The following CCNK variants were observed in gnomAD, a reference collection of about 807,000 sequenced individuals.
The protein encoded by CCNK is cyclin-K.
CCNK carries 9 observed loss-of-function variants against 65.0 expected under a neutral mutation model. The ratio of observed to expected loss-of-function variants is 0.14; its 90% CI spans 0.08 to 0.24. The LOEUF (loss-of-function observed/expected upper bound fraction) is 0.24. Among genes scored for constraint, CCNK ranks in the 10% least tolerant of loss-of-function variants. CCNK has a pLI of 1.00. For synonymous variants in CCNK, 279 were observed against 270.8 expected, an observed-to-expected ratio of 1.03 and a Z score of -0.30; for missense variants, 474 against 720.0, an observed-to-expected ratio of 0.66 and a Z score of 3.91.
In CCNK at chr14:99,503,430, G is replaced by A. The variant is rs186007132; in HGVS notation, c.1012-181G>A. On this transcript the variant is annotated intron_variant, in intron 8 of 10. Transcript: ENST00000389879. ...TTTGGTAAATGGAAAGAGGAAGGGAGCAGAAATGATGATCTGGTAGGTGCC... is the reference window on the plus strand; with the variant it reads ...TTTGGTAAATGGAAAGAGGAAGGGAACAGAAATGATGATCTGGTAGGTGCC... The A allele has an allele frequency of 1.4e-4, 88 of 611,218 alleles. No homozygotes were observed. In the African/African-American group the frequency reaches 1.4e-3, roughly 10 times the overall value. 37.9% of individuals were successfully genotyped at this position (611,218 alleles called of 1,614,324 possible).
intron 9 of CCNK, chr14:99,505,067 C>G (rs1248739334): frequency 1.3e-5 from 2 of 152,220 alleles, no homozygotes; most frequent in Non-Finnish European, 1.5e-5. Context: ...TGGGTTAGGA[C>G]CAGATCACAG....
chr14:99,510,398 C>T lies in CCNK; in HGVS notation c.1359C>T (p.Thr453=), dbSNP rs751959442. ...AGAGCCTGCAGTCCATGATGAAGACCGAGGGACCCTCCTACGGTGCCCTGC... is the reference window on the plus strand; with the variant it reads ...AGAGCCTGCAGTCCATGATGAAGACTGAGGGACCCTCCTACGGTGCCCTGC... ...GYQSLQSMMK[T]EGPSYGALPP... The change falls in exon 11 of 11, where the codon ACC becomes ACT. Residue 453 remains threonine, a synonymous_variant. Coordinates refer to ENST00000389879, the MANE Select transcript of CCNK (RefSeq NM_001099402.2). 1.5e-5 allele frequency: 23 copies of T among 1,564,192 alleles called. 1 individual carries two copies. The Middle Eastern group carries it at 2.2e-3, about 149-fold the overall frequency.
intron 10 of CCNK, chr14:99,509,459 G>T (rs1285487926): frequency 6.6e-6 from 1 of 151,538 alleles, no homozygotes; most frequent in Non-Finnish European, 1.5e-5. Context: ...TATCTTGGGC[G>T]TGCTCAACAC....
intron 3 of CCNK, chr14:99,494,015 G>A (rs908394385): frequency 8.9e-5 from 14 of 156,656 alleles, no homozygotes; most frequent in Middle Eastern, 3.3e-3. Flanking sequence ...TCCAGGATAA[G>A]TGGTATGACA....
At position 99,486,851 on chromosome 14, in the gene CCNK, A is replaced by G. The variant is rs919610284; in HGVS notation, c.-53+5372A>G. On this transcript the variant is annotated intron_variant, in intron 1 of 10. Transcript: ENST00000389879. ...CATACCTCTAAACAGCCCTTACCTC[A>G]TTATGTTCTCTCCCCTTACATGCGT... Among the ~76,000 whole-genome samples the G allele has an allele frequency of 5.3e-5, 8 of 151,568 alleles. No homozygotes were observed. The South Asian group carries it at 1.3e-3, about 24-fold the overall frequency.
In CCNK at chr14:99,511,032, G is replaced by T. The variant is rs1317835547; in HGVS notation, c.*250G>T. 2.9e-6 allele frequency: 1 copy of T among 344,552 alleles called. No individual in the cohort carries two copies. Among genetic ancestry groups the T allele is most frequent in the Non-Finnish European group, 5.2e-6 (1 of 192,156 alleles). 21.3% of individuals were successfully genotyped at this position (344,552 alleles called of 1,614,324 possible). On this transcript the variant is annotated 3_prime_UTR_variant, in exon 11 of 11. Transcript: ENST00000389879. Reference sequence around the variant, plus strand: ...TGTACACTTGGTTCAGCTAATGTCTGAGAGTCCTGCACTGGGTTACTTTAT... The same window carrying T: ...TGTACACTTGGTTCAGCTAATGTCTTAGAGTCCTGCACTGGGTTACTTTAT...
Position 99,485,145 on chromosome 14 carries a change from T to C in CCNK, c.-53+3666T>C, listed in dbSNP as rs554182943. Reference sequence around the variant, plus strand: ...GTCTCTATTCTGTTTATGTCCATAATATTTTCACTACATTTCATGAATTGT... The same window carrying C: ...GTCTCTATTCTGTTTATGTCCATAACATTTTCACTACATTTCATGAATTGT... On this transcript the variant is annotated intron_variant, in intron 1 of 10. Coordinates refer to ENST00000389879, the MANE Select transcript of CCNK (RefSeq NM_001099402.2). Among the ~76,000 whole-genome samples, 10 of 152,358 alleles carry C rather than the reference T, an allele frequency of 6.6e-5. No homozygotes were observed. The South Asian group carries it at 1.9e-3, about 28-fold the overall frequency.
intron 1 of CCNK, among the ~76,000 whole-genome samples, chr14:99,491,380 A>G (rs1429290262): frequency 2.6e-5 from 4 of 152,190 alleles, no homozygotes; most frequent in Non-Finnish European, 5.9e-5. Flanking sequence ...CTGCTTCTCT[A>G]TAGCTTTGCC....
chr14:99,496,068 C>T (rs186862697), intron 4 of CCNK, among the ~76,000 whole-genome samples: 28 of 152,290 alleles, frequency 1.8e-4, no homozygotes, highest in African/African-American at 6.7e-4. Context: ...TCAACATTTG[C>T]AGCATTTTTA....
chr14:99,510,240 A>C lies in CCNK; in HGVS notation c.1201A>C (p.Ile401Leu). The change falls in exon 11 of 11, where the codon ATT becomes CTT. Residue 401 changes from isoleucine (I) to leucine (L), a missense_variant. This residue lies in a region of CCNK where 229 missense variants were observed against 275.5 expected (regional missense o/e 0.83). Coordinates refer to ENST00000389879, the MANE Select transcript of CCNK (RefSeq NM_001099402.2). ...TGCCACTGACCTCCCCAAAGTCCAG[A>C]TTCCCCCTCCGGCCCACCCGGCCCC... ...VDATDLPKVQ[I>L]PPPAHPAPVH... The C allele has an allele frequency of 1.9e-6, 3 of 1,592,100 alleles. No individual in the cohort carries two copies. In the South Asian group the frequency reaches 3.4e-5, roughly 18 times the overall value.
intron 6 of CCNK, 109 bp downstream of exon 6, chr14:99,501,522 C>T: frequency 1.3e-6 from 1 of 790,364 alleles, no homozygotes. Context: ...CTGACTTGCC[C>T]TGGCTTGAGG....
chr14:99,508,379 C>T (rs1897028610), intron 10 of CCNK: 2 of 152,524 alleles, frequency 1.3e-5, no homozygotes, highest in Middle Eastern at 3.4e-3. Flanking sequence ...GGGGCAGCCA[C>T]AGGGGTGCTG....
chr14:99,492,560 C>A, intron 1 of CCNK, 66 bp from the exon 2 acceptor site: 1 of 831,128 alleles, frequency 1.2e-6, no homozygotes, highest in Non-Finnish European at 1.9e-6. Context: ...CAGGTACAAT[C>A]TATGATTCTA....
At chr14:99,508,841 G>C (rs3918116) in intron 10 of CCNK, 3,249 of 152,574 alleles carry the variant, frequency 0.021, 44 homozygotes, top group Non-Finnish European at 0.03. Flanking sequence ...GAGCAGGCCT[G>C]TGGGCCCAGG....
At chr14:99,493,636 A>G (rs1259251099) in intron 3 of CCNK, 41 bp downstream of exon 3, 2 of 1,304,048 alleles carry the variant, frequency 1.5e-6, no homozygotes, top group Non-Finnish European at 2.2e-6. Context: ...GTCATATGTT[A>G]TTATTTCCAC....
At chr14:99,493,436 G>A (rs929798423) in intron 2 of CCNK, 78 bp from the exon 3 acceptor site, 3 of 824,872 alleles carry the variant, frequency 3.6e-6, no homozygotes, top group Non-Finnish European at 5.8e-6. Flanking sequence ...GTTGTTGTTT[G>A]TCTTTTTGTT....
chr14:99,505,619 T>C (rs900228338), intron 9 of CCNK: 5 of 152,222 alleles, frequency 3.3e-5, no homozygotes, highest in African/African-American at 4.8e-5. Context: ...CCCAGCACTT[T>C]GGGAGGCCAA....
At chr14:99,499,563 C>G (rs1197385387) in intron 4 of CCNK, among the ~76,000 whole-genome samples, 1 of 152,322 alleles carries the variant, frequency 6.6e-6, no homozygotes, top group East Asian at 1.9e-4. Context: ...CTACAACGCC[C>G]TGTCTTTGAT....
chr14:99,491,192 G>A (rs372300697), intron 1 of CCNK, among the ~76,000 whole-genome samples: 10 of 152,284 alleles, frequency 6.6e-5, no homozygotes, highest in African/African-American at 2.2e-4. Context: ...ATAATCTTGT[G>A]CACATGTTGT....
Sources: allele counts gnomAD v4.1 joint callset (sites outside exome capture counted in the v4.1 genomes callset), GRCh38; gene constraint gnomAD v4.1.1; regional missense constraint gnomAD v4.1.1; transcripts MANE v1.5; gene names NCBI Gene and HGNC (gene_info 2026-07-23, HGNC 2026-07-21).